The following DYSF variants were observed in gnomAD, a reference collection of about 807,000 sequenced individuals.
DYSF encodes dystrophy-associated fer-1-like 1.
DYSF carries 212 observed loss-of-function variants against 274.9 expected under a neutral mutation model. The ratio of observed to expected loss-of-function variants is 0.77; its 90% CI spans 0.69 to 0.86. DYSF has a LOEUF of 0.86. Ranked by LOEUF, DYSF falls within the 40% of genes least tolerant of loss-of-function variation. The pLI is 0.00. For synonymous variants in DYSF, 1,091 were observed against 1,078.7 expected, an observed-to-expected ratio of 1.01 and a Z score of -0.22; for missense variants, 2,666 against 2,783.2, an observed-to-expected ratio of 0.96 and a Z score of 0.95.
chr2:71,630,733 C>G (rs756682389), intron 41 of DYSF, among the ~76,000 whole-genome samples: 28 of 152,332 alleles, frequency 1.8e-4, no homozygotes, highest in Admixed American at 1.0e-3. Context: ...TGACTTGGCA[C>G]TGACACATCC....
intron 32 of DYSF, among the ~76,000 whole-genome samples, chr2:71,596,229 C>T (rs989866709): frequency 8.5e-5 from 13 of 152,110 alleles, no homozygotes; most frequent in African/African-American, 3.1e-4. Flanking sequence ...AGCTCATTGC[C>T]TGGGCTGATG....
chr2:71,555,046 T>C (rs2091242716), intron 21 of DYSF, among the ~76,000 whole-genome samples: 1 of 151,622 alleles, frequency 6.6e-6, no homozygotes, highest in Admixed American at 6.6e-5. Flanking sequence ...TGGGCGTGTC[T>C]GTGGGTGGGG....
At chr2:71,572,222 A>G (rs2092527277) in intron 29 of DYSF, among the ~76,000 whole-genome samples, 1 of 36,318 alleles carries the variant, frequency 2.8e-5, no homozygotes, top group African/African-American at 9.7e-5. Context: ...CACAGATCAC[A>G]CCCAGCACAT....
chr2:71,618,708 GGT>G (rs1258096001), intron 40 of DYSF, among the ~76,000 whole-genome samples: 1 of 149,272 alleles, frequency 6.7e-6, no homozygotes, highest in East Asian at 2.0e-4. Flanking sequence ...TGGTAGAGAT[GGT>G]GTGTGTGGCA....
At chr2:71,470,845 G>A (rs1244231158) in intron 1 of DYSF, among the ~76,000 whole-genome samples, 1 of 142,642 alleles carries the variant, frequency 7.0e-6, no homozygotes, top group African/African-American at 2.6e-5. Flanking sequence ...AGGCTGGAGT[G>A]CAATGGCACG....
intron 3 of DYSF, among the ~76,000 whole-genome samples, chr2:71,494,479 C>A (rs114432630): frequency 6.6e-6 from 1 of 152,144 alleles, no homozygotes; most frequent in South Asian, 2.1e-4. Flanking sequence ...AAGAAGATGT[C>A]CCCCTAAACT....
At chr2:71,671,580 G>T (rs1005379362) in intron 51 of DYSF, among the ~76,000 whole-genome samples, 6 of 152,220 alleles carry the variant, frequency 3.9e-5, no homozygotes, top group Non-Finnish European at 7.3e-5. Context: ...TTTTGTCTCT[G>T]AAGTAAGAGG....
chr2:71,526,938 C>G (rs1313011672), intron 13 of DYSF, among the ~76,000 whole-genome samples: 5 of 152,260 alleles, frequency 3.3e-5, no homozygotes, highest in Non-Finnish European at 7.3e-5. Flanking sequence ...GCAACCATCT[C>G]TTCCTCCCAG....
intron 30 of DYSF, among the ~76,000 whole-genome samples, chr2:71,575,428 G>T (rs970995287): frequency 1.3e-5 from 2 of 152,162 alleles, no homozygotes; most frequent in African/African-American, 4.8e-5. Flanking sequence ...CCAGGTCAAG[G>T]GGAGGCTGAG....
intron 39 of DYSF, 133 bp downstream of exon 39, chr2:71,612,939 A>C (rs1574350997): frequency 1.6e-6 from 2 of 1,220,258 alleles, no homozygotes; most frequent in African/African-American, 3.0e-5. Flanking sequence ...CTGCTCTGCT[A>C]GACCACAGGG....
chr2:71,570,366 TCCCC>T, intron 28 of DYSF, 32 bp downstream of exon 28: 1 of 1,602,844 alleles, frequency 6.2e-7, no homozygotes, highest in Non-Finnish European at 8.5e-7. Context: ...GCGAGCCCCA[TCCCC>T]GGCAAGCTCT....
chr2:71,552,601 G>A (rs2091026066), intron 19 of DYSF, among the ~76,000 whole-genome samples: 1 of 152,330 alleles, frequency 6.6e-6, no homozygotes, highest in African/African-American at 2.4e-5. Context: ...GAGAGACCCT[G>A]AGTGGCATGG....
rs768604446 is a variant in DYSF at position 71,535,294 on chromosome 2, G to C, written c.1476G>C (p.Arg492Ser). 3 of 1,614,192 alleles carry C rather than the reference G, an allele frequency of 1.9e-6. No homozygotes were observed. The Admixed American group carries it at 5.0e-5, about 27-fold the overall frequency. ...AMFPSMCEKM[R>S]IRIIDWDRLT... Reference sequence around the variant, plus strand: ...TTCCCTCCATGTGCGAAAAAATGAGGATTCGTATCATAGACTGGTGAGTTC... The same window carrying C: ...TTCCCTCCATGTGCGAAAAAATGAGCATTCGTATCATAGACTGGTGAGTTC... Residue 492 changes from arginine to serine, a missense_variant, in exon 16 of 56, where the codon AGG becomes AGC. Transcript: ENST00000410020.
intron 30 of DYSF, among the ~76,000 whole-genome samples, chr2:71,577,539 C>G (rs369942978): frequency 4.0e-5 from 6 of 150,962 alleles, no homozygotes; most frequent in African/African-American, 1.5e-4. Flanking sequence ...CACTCTCACA[C>G]TAACACGTAC....
At chr2:71,632,805 A>G (rs1293580946) in intron 41 of DYSF, among the ~76,000 whole-genome samples, 1 of 152,090 alleles carries the variant, frequency 6.6e-6, no homozygotes, top group Non-Finnish European at 1.5e-5. Flanking sequence ...AGACTCCTGA[A>G]TTGAGAAAGC....
At chr2:71,583,227 G>A (rs968302769) in intron 30 of DYSF, among the ~76,000 whole-genome samples, 6 of 152,128 alleles carry the variant, frequency 3.9e-5, no homozygotes, top group African/African-American at 1.2e-4. Flanking sequence ...AACCACATGC[G>A]CTCACTCCAG....
At chr2:71,504,604 A>G (rs748544652) in intron 4 of DYSF, among the ~76,000 whole-genome samples, 3 of 152,204 alleles carry the variant, frequency 2.0e-5, no homozygotes, top group Admixed American at 6.5e-5. Flanking sequence ...CATGGGACAC[A>G]GATGGAGGGA....
Position 71,620,555 on chromosome 2 carries a change from C to T in DYSF, c.4473C>T (p.Asp1491=), listed in dbSNP as rs948317553. 72 of 1,551,660 alleles carry T rather than the reference C, an allele frequency of 4.6e-5. No individual in the cohort carries two copies. Among genetic ancestry groups the T allele is most frequent in the South Asian group, 2.0e-4 (17 of 84,062 alleles). The stretch of plus-strand genomic sequence containing the variant: ...GCATGTTTCATTTGTAGCTTGCAGA[C>T]GGTCTGTCGAGCTTGGCCCCCACTA... ...KEPLIPIQLA[D]GLSSLAPTNT... Residue 1491 remains aspartate (D), a synonymous_variant, in exon 41 of 56, where the codon GAC becomes GAT. Coordinates refer to ENST00000410020, the MANE Select transcript of DYSF (RefSeq NM_001130987.2).
chr2:71,674,417 G>C (rs1283733236), intron 52 of DYSF, 121 bp downstream of exon 52: 1 of 922,836 alleles, frequency 1.1e-6, no homozygotes, highest in South Asian at 1.4e-5. Flanking sequence ...CCCACTTTCT[G>C]CTTTCAGGGA....
Sources: allele counts gnomAD v4.1 joint callset (sites outside exome capture counted in the v4.1 genomes callset), GRCh38; gene constraint gnomAD v4.1.1; transcripts MANE v1.5; gene names NCBI Gene and HGNC (gene_info 2026-07-23, HGNC 2026-07-21).